The following PTPRD variants were observed in gnomAD, a reference collection of about 807,000 sequenced individuals.
The protein encoded by PTPRD is receptor-type tyrosine-protein phosphatase delta.
In PTPRD, 34 loss-of-function variants were observed where a neutral mutation model predicts 214.5. The observed-to-expected ratio is 0.16, with a 90% confidence interval of 0.12 to 0.21. The LOEUF (loss-of-function observed/expected upper bound fraction) is 0.21, where lower values mean the gene tolerates loss of function less well. Ranked by LOEUF, PTPRD falls within the 10% of genes least tolerant of loss-of-function variation. The probability of loss-of-function intolerance (pLI) is 1.00; values close to 1 mark genes in which losing one functional copy is unlikely to be tolerated. For missense variants in PTPRD, 2,545 were observed against 2,398.7 expected (o/e 1.06, Z -1.27); for synonymous variants, 1,128 against 845.7 (o/e 1.33, Z -5.79).
intron 3 of PTPRD, among the ~76,000 whole-genome samples, chr9:10,200,377 T>C (rs969726042): frequency 2.0e-5 from 3 of 152,056 alleles, no homozygotes; most frequent in African/African-American, 4.8e-5. Context: ...GTCACAACTA[T>C]GGAGGAGAGA....
intron 9 of PTPRD, among the ~76,000 whole-genome samples, chr9:9,238,075 T>A (rs892334503): frequency 6.6e-6 from 1 of 152,094 alleles, no homozygotes; most frequent in Non-Finnish European, 1.5e-5. Flanking sequence ...GCATCAGCGT[T>A]CTGGCAGCCA....
chr9:8,879,582 A>T (rs1441783315), intron 11 of PTPRD, among the ~76,000 whole-genome samples: 1 of 152,158 alleles, frequency 6.6e-6, no homozygotes, highest in Non-Finnish European at 1.5e-5. Context: ...TTTATGATTA[A>T]TGTCTACTCC....
At chr9:10,524,170 C>T (rs530171957) in intron 2 of PTPRD, among the ~76,000 whole-genome samples, 48 of 152,024 alleles carry the variant, frequency 3.2e-4, no homozygotes, top group Non-Finnish European at 6.5e-4. Flanking sequence ...GATGCAGTTA[C>T]ATAAGGGAAT....
intron 10 of PTPRD, among the ~76,000 whole-genome samples, chr9:9,089,416 C>T (rs182158774): frequency 1.3e-5 from 2 of 152,264 alleles, no homozygotes; most frequent in East Asian, 3.9e-4. Flanking sequence ...GGGACAATTG[C>T]TCCCCAGATT....
intron 4 of PTPRD, among the ~76,000 whole-genome samples, chr9:9,978,130 T>C (rs867775419): frequency 2.0e-4 from 22 of 108,338 alleles, no homozygotes; most frequent in East Asian, 6.7e-4. Context: ...GAGAAAGTGA[T>C]TGGTAACATA....
rs2095314337 is a variant in PTPRD at position 9,623,412 on chromosome 9, T to C, written c.-286-48631A>G. 3.3e-5 allele frequency among the ~76,000 whole-genome samples: 5 copies of C among 152,186 alleles called. No homozygotes were observed. In the South Asian group the frequency reaches 1.0e-3, roughly 32 times the overall value. On this transcript the variant is annotated intron_variant, in intron 7 of 45. Coordinates refer to ENST00000381196, the MANE Select transcript of PTPRD (RefSeq NM_002839.4). ...AAACCCCTCATTAGATGCCGTGCTA[T>C]TCAGAAGCATGCAGTATAACAATGT... is the stretch of plus-strand genomic sequence containing the variant.
intron 5 of PTPRD, among the ~76,000 whole-genome samples, chr9:9,908,083 A>C (rs1194811323): frequency 6.6e-6 from 1 of 151,972 alleles, no homozygotes; most frequent in Non-Finnish European, 1.5e-5. Flanking sequence ...TTAAGACAAA[A>C]AAAAAAATCT....
At chr9:9,131,271 T>C (rs1048923202) in intron 10 of PTPRD, among the ~76,000 whole-genome samples, 1 of 152,216 alleles carries the variant, frequency 6.6e-6, no homozygotes, top group African/African-American at 2.4e-5. Flanking sequence ...CAGATTTTAG[T>C]ATGAAAACTT....
intron 31 of PTPRD, among the ~76,000 whole-genome samples, chr9:8,466,491 A>AT (rs1012552990): frequency 1.3e-5 from 2 of 151,818 alleles, no homozygotes; most frequent in Non-Finnish European, 2.9e-5. Context: ...ATAACCTATT[A>AT]TTTTTCATTG....
intron 3 of PTPRD, among the ~76,000 whole-genome samples, chr9:10,234,277 T>A (rs1404891196): frequency 6.6e-6 from 1 of 151,628 alleles, no homozygotes; most frequent in East Asian, 1.9e-4. Flanking sequence ...AAAATAACCA[T>A]CTTACAAAAT....
intron 22 of PTPRD, among the ~76,000 whole-genome samples, chr9:8,504,683 G>C (rs978964148): frequency 6.6e-6 from 1 of 152,284 alleles, no homozygotes; most frequent in South Asian, 2.1e-4. Flanking sequence ...ATAAGACGAA[G>C]ATTGAGAGGC....
intron 11 of PTPRD, among the ~76,000 whole-genome samples, chr9:8,808,234 A>G (rs1467440131): frequency 6.6e-6 from 1 of 152,122 alleles, no homozygotes; most frequent in African/African-American, 2.4e-5. Context: ...AGGTTTCTTT[A>G]GTTAAAGGGG....
chr9:8,599,082 TG>T (rs767212308), intron 14 of PTPRD, among the ~76,000 whole-genome samples: 28 of 152,192 alleles, frequency 1.8e-4, no homozygotes, highest in Non-Finnish European at 2.6e-4. Context: ...TTTCCCAAGC[TG>T]TTCTCATGAG....
chr9:10,351,302 A>C (rs1247920901), intron 2 of PTPRD, among the ~76,000 whole-genome samples: 2 of 152,098 alleles, frequency 1.3e-5, no homozygotes, highest in Admixed American at 1.3e-4. Flanking sequence ...AACATGTTTA[A>C]AATAGCTGAA....
intron 14 of PTPRD, among the ~76,000 whole-genome samples, chr9:8,612,170 T>C (rs1564713550): frequency 6.6e-6 from 1 of 152,234 alleles, no homozygotes; most frequent in African/African-American, 2.4e-5. Flanking sequence ...GCATTCATTA[T>C]AACTTCCAGA....
chr9:9,387,398 A>G (rs574500345), intron 9 of PTPRD, among the ~76,000 whole-genome samples: 1 of 152,242 alleles, frequency 6.6e-6, no homozygotes, highest in South Asian at 2.1e-4. Context: ...TTTCTTTTGA[A>G]ATTAAAATAA....
At chr9:9,634,090 A>G (rs1402708383) in intron 7 of PTPRD, among the ~76,000 whole-genome samples, 1 of 152,138 alleles carries the variant, frequency 6.6e-6, no homozygotes, top group East Asian at 1.9e-4. Context: ...ACCAGAGAGT[A>G]ATATGTTCAT....
chr9:8,424,970 G>A (rs912652150), intron 35 of PTPRD, among the ~76,000 whole-genome samples: 17 of 152,300 alleles, frequency 1.1e-4, no homozygotes, highest in African/African-American at 3.8e-4. Flanking sequence ...AGCCAAAACT[G>A]CAAATTCATG....
intron 11 of PTPRD, among the ~76,000 whole-genome samples, chr9:8,795,095 T>A (rs943000136): frequency 5.3e-5 from 8 of 152,188 alleles, no homozygotes; most frequent in Admixed American, 3.9e-4. Flanking sequence ...AGGCGTCATT[T>A]TAATTTCTTG....
Sources: allele counts gnomAD v4.1 joint callset (sites outside exome capture counted in the v4.1 genomes callset), GRCh38; gene constraint gnomAD v4.1.1; transcripts MANE v1.5; gene names NCBI Gene and HGNC (gene_info 2026-07-23, HGNC 2026-07-21).